The following TMEM131 variants were observed in gnomAD, a reference collection of about 807,000 sequenced individuals.
TMEM131 encodes transmembrane protein 131, also known as 2610524E03Rik.
A neutral mutation model predicts 211.6 loss-of-function variants in TMEM131; 66 were observed. The ratio of observed to expected loss-of-function variants is 0.31; its 90% CI spans 0.26 to 0.38. The LOEUF is 0.38. TMEM131 is among the 10% of genes least tolerant of loss of function. The pLI, the probability that TMEM131 is intolerant of heterozygous loss-of-function variation, is 1.00. For missense variants in TMEM131, 2,036 were observed against 2,299.3 expected (o/e 0.89, Z 2.34); for synonymous variants, 844 against 841.3 (o/e 1.00, Z -0.06).
chr2:97,825,879 A>T (rs1682358836), intron 11 of TMEM131, among the ~76,000 whole-genome samples: 1 of 152,216 alleles, frequency 6.6e-6, no homozygotes, highest in African/African-American at 2.4e-5. Flanking sequence ...ACTACTCATG[A>T]TGTAAATGGC....
rs776493100 is a variant in TMEM131 at position 97,763,515 on chromosome 2, C to T, written c.4724-1315G>A. 3.9e-5 allele frequency: 6 copies of T among 152,524 alleles called. No homozygotes were observed. In the East Asian group the frequency reaches 9.6e-4, roughly 24 times the overall value. 9.4% of individuals were successfully genotyped at this position (152,524 alleles called of 1,614,324 possible). On this transcript the variant is annotated intron_variant, in intron 35 of 40. Coordinates refer to ENST00000186436, the MANE Select transcript of TMEM131 (RefSeq NM_015348.2). ...TGATGCCCACACTCAGGACGTGTCT[C>T]ACACCGCTCTCCCATACGAGCCCTG...
intron 3 of TMEM131, among the ~76,000 whole-genome samples, chr2:97,899,678 T>C (rs1189723358): frequency 6.6e-6 from 1 of 152,134 alleles, no homozygotes; most frequent in Non-Finnish European, 1.5e-5. Flanking sequence ...CAATGCTTAA[T>C]GAAACAATGT....
chr2:97,862,123 C>T (rs1016680012), intron 4 of TMEM131, among the ~76,000 whole-genome samples: 9 of 152,204 alleles, frequency 5.9e-5, no homozygotes, highest in Admixed American at 2.6e-4. Flanking sequence ...TTATCCAAGA[C>T]CACCAAGATG....
In TMEM131 at chr2:97,759,553, G is replaced by A. The variant is rs1678703787; in HGVS notation, c.5206+99C>T. 6 of 1,050,600 alleles carry A rather than the reference G, an allele frequency of 5.7e-6. No homozygotes were observed. In the Admixed American group the frequency reaches 1.0e-4, roughly 18 times the overall value. The allele number at this position is 1,050,600 out of a possible 1,614,324, so 65.1% of individuals were successfully genotyped here. ...AGCTTCCTGCGGGGCCTCTTCCACA[G>A]TGCTGCTGTGCTGTGTTCTCCAGCA... On this transcript the variant is annotated intron_variant, in intron 39 of 40. Transcript: ENST00000186436.
At chr2:97,775,717 G>C in intron 32 of TMEM131, 126 bp downstream of exon 32, 2 of 1,065,788 alleles carry the variant, frequency 1.9e-6, no homozygotes, top group Non-Finnish European at 2.7e-6. Context: ...TTCCTCAGTA[G>C]GTGCTCATCC....
At chr2:97,830,064 A>G (rs1336310556) in intron 11 of TMEM131, among the ~76,000 whole-genome samples, 1 of 151,640 alleles carries the variant, frequency 6.6e-6, no homozygotes, top group Non-Finnish European at 1.5e-5. Flanking sequence ...TGCAGTAATA[A>G]CAAAGAAATA....
At chr2:97,885,479 C>T (rs576963791) in intron 4 of TMEM131, among the ~76,000 whole-genome samples, 6 of 152,140 alleles carry the variant, frequency 3.9e-5, no homozygotes, top group Middle Eastern at 3.2e-3. Context: ...TGAGCCACCG[C>T]GCCCGGCCGT....
At chr2:97,885,101 G>A (rs1186985676) in intron 4 of TMEM131, among the ~76,000 whole-genome samples, 1 of 152,160 alleles carries the variant, frequency 6.6e-6, no homozygotes, top group East Asian at 1.9e-4. Context: ...TTTTCATAAT[G>A]GTGGTTATGT....
chr2:97,845,405 C>T (rs543590902), intron 5 of TMEM131, among the ~76,000 whole-genome samples: 3 of 152,180 alleles, frequency 2.0e-5, no homozygotes, highest in Admixed American at 2.0e-4. Flanking sequence ...GCTATTCACA[C>T]CTGAGCCAGA....
intron 1 of TMEM131, among the ~76,000 whole-genome samples, chr2:97,946,748 C>G (rs1336890173): frequency 6.6e-6 from 1 of 151,822 alleles, no homozygotes; most frequent in African/African-American, 2.4e-5. Context: ...TCACTCTGAT[C>G]CCCAAAACAA....
chr2:97,949,217 A>C (rs1678187228), intron 1 of TMEM131, among the ~76,000 whole-genome samples: 1 of 152,204 alleles, frequency 6.6e-6, no homozygotes, highest in Admixed American at 6.5e-5. Context: ...ATTACAGACA[A>C]ATCTAAAAAT....
At chr2:97,985,355 A>G (rs1422514724) in intron 1 of TMEM131, among the ~76,000 whole-genome samples, 1 of 129,700 alleles carries the variant, frequency 7.7e-6, no homozygotes, top group Admixed American at 7.4e-5. Context: ...TTTACTTAAT[A>G]CATATATATA....
At chr2:97,955,286 C>A (rs1210379546) in intron 1 of TMEM131, among the ~76,000 whole-genome samples, 1 of 152,074 alleles carries the variant, frequency 6.6e-6, no homozygotes, top group Non-Finnish European at 1.5e-5. Context: ...CATCATGATA[C>A]AAATTCTCAC....
chr2:97,895,326 A>T (rs565698281), intron 3 of TMEM131, among the ~76,000 whole-genome samples: 1 of 152,194 alleles, frequency 6.6e-6, no homozygotes, highest in East Asian at 1.9e-4. Context: ...TTTGCCTGAA[A>T]TTTTCTTTTT....
chr2:97,846,716 G>C (rs1025382552), intron 5 of TMEM131, among the ~76,000 whole-genome samples: 17 of 151,918 alleles, frequency 1.1e-4, no homozygotes, highest in African/African-American at 4.1e-4. Flanking sequence ...TTTTATGTGT[G>C]GCCCAAGACA....
intron 2 of TMEM131, among the ~76,000 whole-genome samples, chr2:97,919,463 T>C (rs1676647149): frequency 6.6e-6 from 1 of 152,218 alleles, no homozygotes; most frequent in Non-Finnish European, 1.5e-5. Flanking sequence ...TTATATATTA[T>C]TTTTGCCTCT....
intron 2 of TMEM131, among the ~76,000 whole-genome samples, chr2:97,921,203 T>C (rs1676727103): frequency 6.6e-6 from 1 of 152,122 alleles, no homozygotes; most frequent in Non-Finnish European, 1.5e-5. Flanking sequence ...AGAAACAGGC[T>C]CACACATATA....
chr2:97,984,242 T>C (rs1372467551), intron 1 of TMEM131, among the ~76,000 whole-genome samples: 1 of 152,216 alleles, frequency 6.6e-6, no homozygotes, highest in Non-Finnish European at 1.5e-5. Context: ...GTGCTAGTCA[T>C]TCCTCATAAC....
intron 11 of TMEM131, among the ~76,000 whole-genome samples, chr2:97,831,664 CTTTTTTTTTTTTTT>C (rs11378393): frequency 3.7e-5 from 3 of 80,614 alleles, no homozygotes; most frequent in African/African-American, 5.1e-5. Flanking sequence ...TCACATACCT[CTTTTTTTTTTTTTT>C]TTTTTTTTTT....
Sources: gnomAD v4.1 joint callset for allele counts (sites outside exome capture counted in the v4.1 genomes callset) on GRCh38, gnomAD v4.1.1 for gene constraint, MANE v1.5 for transcripts, NCBI Gene and HGNC (gene_info 2026-07-23, HGNC 2026-07-21) for gene names.